PPM1L: variants seen among roughly 807,000 people sequenced by gnomAD.
PPM1L encodes protein phosphatase, Mg2+/Mn2+ dependent 1L.
A neutral mutation model predicts 31.4 loss-of-function variants in PPM1L; 13 were observed. The observed-to-expected ratio is 0.41, with a 90% CI of 0.27 to 0.66. The LOEUF (loss-of-function observed/expected upper bound fraction) is 0.66, where lower values mean the gene tolerates loss of function less well. Ranked by LOEUF, PPM1L falls within the 30% of genes least tolerant of loss-of-function variation. The pLI, the probability that PPM1L is intolerant of heterozygous loss-of-function variation, is 0.29. For synonymous variants in PPM1L, 184 were observed against 175.4 expected (o/e 1.05, Z -0.39); for missense variants, 326 against 453.7 (o/e 0.72, Z 2.56).
chr3:160,924,234 G>A (rs1232505208), intron 1 of PPM1L, among the ~76,000 whole-genome samples: 3 of 140,568 alleles, frequency 2.1e-5, no homozygotes, highest in African/African-American at 7.7e-5. Flanking sequence ...CTTGGCTATG[G>A]GCTGTGAGCA....
intron 1 of PPM1L, among the ~76,000 whole-genome samples, chr3:160,944,865 A>ATATAATAT (rs1553748209): frequency 4.9e-5 from 2 of 40,984 alleles, no homozygotes; most frequent in African/African-American, 1.4e-4. Flanking sequence ...TATTATATAT[A>ATATAATAT]ATGTTATATA....
chr3:160,788,859 C>CT (rs111906908), intron 1 of PPM1L, among the ~76,000 whole-genome samples: 2,582 of 151,898 alleles, frequency 0.017, 69 homozygotes, highest in African/African-American at 0.059. Flanking sequence ...TATTTCTGGA[C>CT]TTTTTTCTAT....
Position 161,040,505 on chromosome 3 carries a change from G to A in PPM1L, c.575-24898G>A, listed in dbSNP as rs147597706. ...TGACTCTACATAAAGTTAAACATGC[G>A]AACTGAAAATAGAATGAGAGAAAAT... On this transcript the variant is annotated intron_variant, in intron 2 of 3. Transcript: ENST00000498165. 1.4e-4 allele frequency among the ~76,000 whole-genome samples: 22 copies of A among 152,242 alleles called. No individual in the cohort carries two copies. In the East Asian group the frequency reaches 1.9e-3, roughly 13 times the overall value.
intron 2 of PPM1L, among the ~76,000 whole-genome samples, chr3:161,045,244 A>T (rs1190740610): frequency 6.6e-6 from 1 of 152,200 alleles, no homozygotes; most frequent in Admixed American, 6.5e-5. Context: ...ATATCCAGGA[A>T]TTGAACTCAG....
intron 2 of PPM1L, among the ~76,000 whole-genome samples, chr3:160,976,748 A>C (rs1445968563): frequency 1.3e-5 from 2 of 152,034 alleles, no homozygotes; most frequent in Non-Finnish European, 2.9e-5. Context: ...TATTGCGTCC[A>C]TTTGATTCTT....
intron 1 of PPM1L, among the ~76,000 whole-genome samples, chr3:160,806,887 A>G (rs1453172626): frequency 1.3e-5 from 2 of 150,052 alleles, no homozygotes; most frequent in Non-Finnish European, 2.9e-5. Flanking sequence ...AGGAAGGAAG[A>G]AAGAAAGAGA....
At chr3:161,002,009 C>T (rs1403152825) in intron 2 of PPM1L, among the ~76,000 whole-genome samples, 1 of 149,028 alleles carries the variant, frequency 6.7e-6, no homozygotes, top group Non-Finnish European at 1.5e-5. Context: ...CACAACAGTC[C>T]CCAGAGTGTG....
chr3:160,826,419 C>T (rs1202547248), intron 1 of PPM1L, among the ~76,000 whole-genome samples: 2 of 151,936 alleles, frequency 1.3e-5, no homozygotes, highest in Non-Finnish European at 2.9e-5. Context: ...TACTTAGAGG[C>T]CATTAGAGCA....
At chr3:160,907,036 T>C (rs1184511618) in intron 1 of PPM1L, among the ~76,000 whole-genome samples, 2 of 152,232 alleles carry the variant, frequency 1.3e-5, no homozygotes, top group African/African-American at 4.8e-5. Context: ...CCAGCCCATA[T>C]GCAAGGAAGC....
chr3:160,993,050 C>T (rs1360050377), intron 2 of PPM1L, among the ~76,000 whole-genome samples: 4 of 151,392 alleles, frequency 2.6e-5, no homozygotes, highest in East Asian at 1.9e-4. Context: ...GATCCAGGTA[C>T]GGTGTACACT....
intron 1 of PPM1L, among the ~76,000 whole-genome samples, chr3:160,902,995 T>C (rs1713595830): frequency 6.6e-6 from 1 of 152,172 alleles, no homozygotes; most frequent in Non-Finnish European, 1.5e-5. Context: ...CCCTGCTACC[T>C]ATAAACTGAC....
chr3:160,774,736 C>G (rs1177623394), intron 1 of PPM1L, among the ~76,000 whole-genome samples: 1 of 152,198 alleles, frequency 6.6e-6, no homozygotes, highest in African/African-American at 2.4e-5. Context: ...GTCCTTATTT[C>G]AAGGTTCCCC....
At chr3:161,068,582 T>C (rs538705310) in intron 3 of PPM1L, among the ~76,000 whole-genome samples, 2 of 152,300 alleles carry the variant, frequency 1.3e-5, no homozygotes, top group African/African-American at 4.8e-5. Flanking sequence ...AGTACTCTTA[T>C]TGATATATTA....
At chr3:160,845,509 C>A (rs1308759115) in intron 1 of PPM1L, among the ~76,000 whole-genome samples, 3 of 151,798 alleles carry the variant, frequency 2.0e-5, no homozygotes, top group Non-Finnish European at 4.4e-5. Context: ...AGCTCAATTT[C>A]TCTATTTATT....
intron 2 of PPM1L, among the ~76,000 whole-genome samples, chr3:160,975,602 T>C (rs2108028670): frequency 6.6e-6 from 1 of 151,990 alleles, no homozygotes; most frequent in East Asian, 1.9e-4. Flanking sequence ...CCTTGTAAGT[T>C]GGATTCCTAG....
At position 160,970,787 on chromosome 3, in the gene PPM1L, A is replaced by ATTCTTTTTTTTTTTTTTTTT. The variant is rs1360956984; in HGVS notation, c.574+8879_574+8880insCTTTTTTTTTTTTTTTTTTT. 5.1e-5 allele frequency among the ~76,000 whole-genome samples: 5 copies of ATTCTTTTTTTTTTTTTTTTT among 97,198 alleles called. 1 individual carries two copies. Among genetic ancestry groups the ATTCTTTTTTTTTTTTTTTTT allele is most frequent in the African/African-American group, 1.3e-4 (3 of 22,352 alleles). The allele number at this position is 97,198 out of a possible 152,430, so 63.8% of individuals were successfully genotyped here. ...CAAGCTGATTTTAATTTCAGTTATA[A>ATTCTTTTTTTTTTTTTTTTT]TTTTTTTTTTTTTTTTTTTTTTGAG... On this transcript the variant is annotated intron_variant, in intron 2 of 3. Transcript: ENST00000498165.
chr3:160,870,844 T>C (rs1475331283), intron 1 of PPM1L, among the ~76,000 whole-genome samples: 2 of 152,182 alleles, frequency 1.3e-5, no homozygotes, highest in Non-Finnish European at 2.9e-5. Context: ...TGTAGAGTGG[T>C]TTTAGCTCTT....
At chr3:160,957,170 C>A (rs1715800516) in intron 1 of PPM1L, among the ~76,000 whole-genome samples, 1 of 152,154 alleles carries the variant, frequency 6.6e-6, no homozygotes, top group African/African-American at 2.4e-5. Context: ...GTTTTCTGTT[C>A]CTGTGTTACT....
intron 2 of PPM1L, among the ~76,000 whole-genome samples, chr3:161,015,683 A>G (rs1718063723): frequency 6.6e-6 from 1 of 151,940 alleles, no homozygotes; most frequent in South Asian, 2.1e-4. Flanking sequence ...GGTTCTCTTG[A>G]TTTGCGTTAT....
Sources: gnomAD v4.1 joint callset for allele counts (sites outside exome capture counted in the v4.1 genomes callset) on GRCh38, gnomAD v4.1.1 for gene constraint, MANE v1.5 for transcripts, NCBI Gene and HGNC (gene_info 2026-07-23, HGNC 2026-07-21) for gene names.